CCL1: variants seen among roughly 807,000 people sequenced by gnomAD.
The protein encoded by CCL1 is C-C motif chemokine ligand 1.
Under a neutral mutation model 7.5 loss-of-function variants are expected in CCL1, and 9 were observed. The observed-to-expected ratio is 1.20, with a 90% CI of 0.72 to 2.09. The LOEUF (loss-of-function observed/expected upper bound fraction) is 2.09, where lower values mean the gene tolerates loss of function less well. CCL1 is among the 30% of genes most tolerant of loss of function. The pLI is 0.00. For missense variants in CCL1, 110 were observed against 113.7 expected (o/e 0.97, Z 0.15); for synonymous variants, 48 against 44.7 (o/e 1.07, Z -0.30).
In CCL1 at chr17:34,363,190, G is replaced by A; in HGVS notation, c.-29C>T. ...TTCTGGTCTGGCTTGGGCCTTCCTGGAGCAGCTTTGATGAGCCTGGTGAAG... is the reference window on the plus strand; with the variant it reads ...TTCTGGTCTGGCTTGGGCCTTCCTGAAGCAGCTTTGATGAGCCTGGTGAAG... On this transcript the variant is annotated 5_prime_UTR_variant, in exon 1 of 3. Coordinates refer to ENST00000225842, the MANE Select transcript of CCL1 (RefSeq NM_002981.2). 1.2e-6 allele frequency: 2 copies of A among 1,609,748 alleles called. No homozygotes were observed. Among genetic ancestry groups the A allele is most frequent in the South Asian group, 2.2e-5 (2 of 90,940 alleles).
At chr17:34,361,637 G>T (rs1249909492) in intron 2 of CCL1, 148 bp downstream of exon 2, 4 of 604,638 alleles carry the variant, frequency 6.6e-6, no homozygotes, top group Non-Finnish European at 9.2e-6. Flanking sequence ...TCCCTCTAGC[G>T]CCCAAGTGTG....
intron 1 of CCL1, among the ~76,000 whole-genome samples, chr17:34,362,232 A>G (rs1393624702): frequency 6.6e-6 from 1 of 152,160 alleles, no homozygotes; most frequent in Non-Finnish European, 1.5e-5. Context: ...GTATTTCACC[A>G]CATGTGCATG....
chr17:34,360,511 C>A lies in CCL1; in HGVS notation c.*48G>T. The A allele has an allele frequency of 7.2e-7, 1 of 1,392,822 alleles. No individual in the cohort carries two copies. The highest frequency in any genetic ancestry group is 1.0e-6 in the Non-Finnish European group (1 of 977,866). 86.3% of individuals were successfully genotyped at this position (1,392,822 alleles called of 1,614,324 possible). ...GGTGTAGGGCTGGTAGTTTCGGGGA[C>A]AGGTGAAGCCATGTGGTTTCCAGAG... On this transcript the variant is annotated 3_prime_UTR_variant, in exon 3 of 3. Coordinates refer to ENST00000225842, the MANE Select transcript of CCL1 (RefSeq NM_002981.2).
In CCL1 at chr17:34,361,803, C is replaced by A; in HGVS notation, c.170G>T (p.Cys57Phe). 1 of 1,611,160 alleles carries A rather than the reference C, an allele frequency of 6.2e-7. No homozygotes were observed. The highest frequency in any genetic ancestry group is 8.5e-7 in the Non-Finnish European group (1 of 1,177,388). Residue 57 changes from cysteine to phenylalanine, a missense_variant, in exon 2 of 3, where the codon TGC (cysteine) becomes TTC (phenylalanine). By Grantham distance (205) the Cys-to-Phe change is radical. Coordinates refer to ENST00000225842, the MANE Select transcript of CCL1 (RefSeq NM_002981.2). ...ILCYRNTSSICSNEGLIFKLK... is the reference protein window; with the variant it reads ...ILCYRNTSSIFSNEGLIFKLK... ...CACTTACATTAAGCCCTCATTGGAGCAGATGGAGCTGGTATTTCTGTAACA... is the reference window on the plus strand; with the variant it reads ...CACTTACATTAAGCCCTCATTGGAGAAGATGGAGCTGGTATTTCTGTAACA...
At chr17:34,360,798 A>C (rs1291512935) in intron 2 of CCL1, 137 bp from the exon 3 acceptor site, 7 of 669,716 alleles carry the variant, frequency 1.0e-5, no homozygotes, top group Non-Finnish European at 1.9e-5. Context: ...CTGTAAATGA[A>C]GTTGCTGCAC....
intron 1 of CCL1, among the ~76,000 whole-genome samples, chr17:34,362,321 G>A (rs1052425216): frequency 1.3e-5 from 2 of 152,158 alleles, no homozygotes; most frequent in African/African-American, 4.8e-5. Context: ...AGGACACAGT[G>A]GTCCACAGTT....
chr17:34,361,649 C>T (rs1238525325), intron 2 of CCL1, 136 bp downstream of exon 2: 1 of 643,526 alleles, frequency 1.6e-6, no homozygotes, highest in Non-Finnish European at 2.8e-6. Context: ...CCAAGTGTGG[C>T]TTGCACCCAG....
Position 34,360,618 on chromosome 17 carries a change from C to A in CCL1, c.232G>T (p.Val78Phe), listed in dbSNP as rs756807271. The change falls in exon 3 of 3, where the codon GTT becomes TTT. Residue 78 changes from valine to phenylalanine, a missense_variant. Coordinates refer to ENST00000225842, the MANE Select transcript of CCL1 (RefSeq NM_002981.2). ...TTTCTGTGCCTCTGAACCCATCCAACTGTGTCCAAGGCGCAGGCCTCTTTG... is the reference window on the plus strand; with the variant it reads ...TTTCTGTGCCTCTGAACCCATCCAAATGTGTCCAAGGCGCAGGCCTCTTTG... ...RGKEACALDT[V>F]GWVQRHRKML... 1 of 1,613,722 alleles carries A rather than the reference C, an allele frequency of 6.2e-7. No homozygotes were observed. The highest frequency in any genetic ancestry group is 8.5e-7 in the Non-Finnish European group (1 of 1,179,946).
chr17:34,362,913 T>G (rs931455370), intron 1 of CCL1, among the ~76,000 whole-genome samples, 173 bp downstream of exon 1: 1 of 152,136 alleles, frequency 6.6e-6, no homozygotes, highest in East Asian at 1.9e-4. Context: ...CAACTCATGG[T>G]TCTCCTACTA....
chr17:34,361,753 T>C lies in CCL1; in HGVS notation c.188+32A>G, dbSNP rs562112141. 3.7e-4 allele frequency: 520 copies of C among 1,393,226 alleles called. 3 individuals carry two copies. In the South Asian group the frequency reaches 4.0e-3, roughly 11 times the overall value. The allele number at this position is 1,393,226 out of a possible 1,614,324, so 86.3% of individuals were successfully genotyped here. On this transcript the variant is annotated intron_variant, in intron 2 of 2. Coordinates refer to ENST00000225842, the MANE Select transcript of CCL1 (RefSeq NM_002981.2). ...ATTCCAGGCTGGCGGGGTTCTGTTC[T>C]CTAGGGAGAGATTGAGCAGGTGATC... is the stretch of plus-strand genomic sequence containing the variant.
rs74652101 is a variant in CCL1 at position 34,362,249 on chromosome 17, C to T, written c.77-353G>A. Among the ~76,000 whole-genome samples the T allele has an allele frequency of 1.5e-3, 231 of 152,300 alleles. 2 individuals are homozygous for T. Among genetic ancestry groups the T allele is most frequent in the African/African-American group, 5.4e-3 (223 of 41,558 alleles). On this transcript the variant is annotated intron_variant, in intron 1 of 2. Coordinates refer to ENST00000225842, the MANE Select transcript of CCL1 (RefSeq NM_002981.2). The stretch of plus-strand genomic sequence containing the variant: ...ATTTCACCACATGTGCATGGTTCTG[C>T]CCCAGTATTCATGTCCAAGGGCTCT...
At chr17:34,361,700 A>G in intron 2 of CCL1, 85 bp downstream of exon 2, 1 of 917,634 alleles carries the variant, frequency 1.1e-6, no homozygotes, top group Admixed American at 1.8e-5. Context: ...TTCTGGTAAA[A>G]TACTGTCATC....
At chr17:34,361,332 A>G (rs159270) in intron 2 of CCL1, among the ~76,000 whole-genome samples, 140,884 of 152,222 alleles carry the variant, frequency 0.93, 66,168 homozygotes, top group East Asian at 1. Flanking sequence ...ACCCTGTGAT[A>G]CAGCTATGTT....
intron 2 of CCL1, among the ~76,000 whole-genome samples, chr17:34,360,903 T>A (rs1385977793): frequency 6.6e-6 from 1 of 152,064 alleles, no homozygotes; most frequent in African/African-American, 2.4e-5. Context: ...ATTTGGTGTA[T>A]CAGGGTGGGG....
chr17:34,360,587 A>G lies in CCL1; in HGVS notation c.263T>C (p.Leu88Pro). The change falls in exon 3 of 3, where the codon CTG becomes CCG. Residue 88 changes from leucine to proline, a missense_variant. By Grantham distance (98) the Leu-to-Pro change is moderately conservative (BLOSUM62 -3). Coordinates refer to ENST00000225842, the MANE Select transcript of CCL1 (RefSeq NM_002981.2). ...TTTTCTTTTTGACGGGCAGTGCCTC[A>G]GCATTTTTCTGTGCCTCTGAACCCA... ...VGWVQRHRKM[L>P]RHCPSKRK 6.2e-7 allele frequency: 1 copy of G among 1,613,890 alleles called. No individual in the cohort carries two copies.
rs767526141 is a variant in CCL1 at position 34,361,789 on chromosome 17, A to C, written c.184T>G (p.Leu62Val). 9.4e-6 allele frequency: 15 copies of C among 1,600,252 alleles called. No individual in the cohort carries two copies. The change falls in exon 2 of 3, where the codon TTA (leucine) becomes GTA (valine). Residue 62 changes from leucine (L) to valine (V), a missense_variant. Leu to Val is a conservative substitution (Grantham distance 32). Coordinates refer to ENST00000225842, the MANE Select transcript of CCL1 (RefSeq NM_002981.2). ...NTSSICSNEG[L>V]IFKLKRGKEA... The stretch of plus-strand genomic sequence containing the variant: ...ATTGAGCAGGTGATCACTTACATTA[A>C]GCCCTCATTGGAGCAGATGGAGCTG...
rs1204899748 is a variant in CCL1 at position 34,361,825 on chromosome 17, A to C, written c.148T>G (p.Tyr50Asp). The change falls in exon 2 of 3, where the codon TAC becomes GAC. Residue 50 changes from tyrosine to aspartate, a missense_variant. By Grantham distance (160) the Tyr-to-Asp change is radical (BLOSUM62 -3). Coordinates refer to ENST00000225842, the MANE Select transcript of CCL1 (RefSeq NM_002981.2). Reference protein sequence around the residue: ...QEIPLRAILCYRNTSSICSNE... With the variant: ...QEIPLRAILCDRNTSSICSNE... ...GAGCAGATGGAGCTGGTATTTCTGTAACACAGGATTGCCCTCAGGGGAATC... is the reference window on the plus strand; with the variant it reads ...GAGCAGATGGAGCTGGTATTTCTGTCACACAGGATTGCCCTCAGGGGAATC... The C allele has an allele frequency of 2.5e-6, 4 of 1,613,382 alleles. No individual in the cohort carries two copies. In the African/African-American group the frequency reaches 5.3e-5, roughly 22 times the overall value.
At chr17:34,363,038 G>A (rs375569467) in intron 1 of CCL1, 48 bp downstream of exon 1, 143 of 1,575,260 alleles carry the variant, frequency 9.1e-5, no homozygotes, top group East Asian at 4.5e-4. Flanking sequence ...GGCTGACCAC[G>A]TTTCTGCCCT....
rs1221107198 is a variant in CCL1, at chr17:34,360,553, A to G, written c.*6T>C. The G allele has an allele frequency of 1.9e-6, 3 of 1,610,894 alleles. No homozygotes were observed. Among genetic ancestry groups the G allele is most frequent in the Non-Finnish European group, 2.5e-6 (3 of 1,177,140 alleles). On this transcript the variant is annotated 3_prime_UTR_variant, in exon 3 of 3. Coordinates refer to ENST00000225842, the MANE Select transcript of CCL1 (RefSeq NM_002981.2). The stretch of plus-strand genomic sequence containing the variant: ...TTTCCAGAGCCCACAATGGAAAGAA[A>G]TCTGCTCATTTTCTTTTTGACGGGC...
Sources: gnomAD v4.1 joint callset for allele counts (sites outside exome capture counted in the v4.1 genomes callset) on GRCh38, gnomAD v4.1.1 for gene constraint, MANE v1.5 for transcripts, NCBI Gene and HGNC (gene_info 2026-07-23, HGNC 2026-07-21) for gene names.